SENP7: variants seen among roughly 807,000 people sequenced by gnomAD.
SENP7 encodes the protein SUMO specific peptidase 7.
SENP7 carries 64 observed loss-of-function variants against 141.2 expected under a neutral mutation model. The ratio of observed to expected loss-of-function variants is 0.45; its 90% CI spans 0.37 to 0.56. The LOEUF (loss-of-function observed/expected upper bound fraction) is 0.56. Ranked by LOEUF, SENP7 falls within the 20% of genes least tolerant of loss-of-function variation. The pLI, the probability that SENP7 is intolerant of heterozygous loss-of-function variation, is 0.00. For synonymous variants in SENP7, 382 were observed against 426.4 expected (o/e 0.90, Z 1.28); for missense variants, 1,025 against 1,212.2 (o/e 0.85, Z 2.29).
At chr3:101,428,057 T>G (rs963994334) in intron 4 of SENP7, among the ~76,000 whole-genome samples, 6 of 152,224 alleles carry the variant, frequency 3.9e-5, no homozygotes, top group African/African-American at 1.4e-4. Flanking sequence ...TAGTATTCCA[T>G]GGTGTATATG....
chr3:101,366,375 A>G (rs2107388619), intron 9 of SENP7, 55 bp downstream of exon 9: 2 of 1,308,158 alleles, frequency 1.5e-6, no homozygotes, highest in Non-Finnish European at 1.1e-6. Context: ...GAATAAAAAA[A>G]TAACTAAGTA....
At chr3:101,489,918 T>C (rs2064894027) in intron 3 of SENP7, among the ~76,000 whole-genome samples, 1 of 152,140 alleles carries the variant, frequency 6.6e-6, no homozygotes, top group African/African-American at 2.4e-5. Flanking sequence ...GGCACAGTGG[T>C]TCACGCCTGT....
intron 4 of SENP7, among the ~76,000 whole-genome samples, chr3:101,450,053 G>C (rs1023686054): frequency 3.3e-5 from 5 of 152,142 alleles, no homozygotes; most frequent in Admixed American, 6.5e-5. Context: ...AAAGGCAGGG[G>C]TTGCAATCCT....
At chr3:101,488,002 A>AT (rs1444122065) in intron 3 of SENP7, among the ~76,000 whole-genome samples, 3 of 152,312 alleles carry the variant, frequency 2.0e-5, no homozygotes, top group Admixed American at 6.5e-5. Context: ...GAAAAATGAC[A>AT]TTGATAGTAT....
At chr3:101,439,723 T>G (rs1157707441) in intron 4 of SENP7, among the ~76,000 whole-genome samples, 3 of 16,828 alleles carry the variant, frequency 1.8e-4, no homozygotes, top group Admixed American at 4.5e-4. Context: ...GGGAGGGAGG[T>G]AGGGGGGTCA....
intron 7 of SENP7, 123 bp from the exon 8 acceptor site, chr3:101,368,134 G>A: frequency 1.5e-6 from 1 of 688,752 alleles, no homozygotes; most frequent in South Asian, 2.1e-5. Context: ...AAACAGAAAT[G>A]TACTGTTAAA....
At chr3:101,365,114 T>G in intron 9 of SENP7, 123 bp from the exon 10 acceptor site, 18 of 487,538 alleles carry the variant, frequency 3.7e-5, no homozygotes, top group South Asian at 4.6e-5. Context: ...GCAATTCTCC[T>G]ACCTCAGCCT....
intron 4 of SENP7, among the ~76,000 whole-genome samples, chr3:101,456,550 C>G (rs751400916): frequency 6.6e-6 from 1 of 151,994 alleles, no homozygotes; most frequent in Non-Finnish European, 1.5e-5. Flanking sequence ...GAACAGAAGT[C>G]AGATGTCGTA....
At chr3:101,456,260 G>A (rs1366502392) in intron 4 of SENP7, among the ~76,000 whole-genome samples, 2 of 152,012 alleles carry the variant, frequency 1.3e-5, no homozygotes, top group East Asian at 3.8e-4. Context: ...TTCAAAAATT[G>A]GCTGAGTAAA....
At chr3:101,408,101 T>A (rs2107616936) in intron 5 of SENP7, among the ~76,000 whole-genome samples, 1 of 152,154 alleles carries the variant, frequency 6.6e-6, no homozygotes, top group East Asian at 1.9e-4. Flanking sequence ...CGGGAGATAT[T>A]ACAACTGACA....
chr3:101,352,320 AC>A, intron 11 of SENP7, among the ~76,000 whole-genome samples: 1 of 152,174 alleles, frequency 6.6e-6, no homozygotes, highest in South Asian at 2.1e-4. Context: ...GCAGTGATGC[AC>A]CTGTCAAAAT....
rs757905357 is a variant in SENP7, at chr3:101,332,000, C to G, written c.2683G>C (p.Asp895His). ...TGGATGTCACCTATTGTTTTGTTGT[C>G]ATTTTGGGACTGCTGAGCCTGGGAC... ...QQSQAQQSQN[D>H]NKTIDNDLRT... is the part of the protein sequence containing the mutation. Residue 895 changes from aspartate (D) to histidine (H), a missense_variant, in exon 19 of 24, where the codon GAC (aspartate) becomes CAC (histidine). By Grantham distance (81) the Asp-to-His change is moderately conservative. Around this residue, in one of 4 missense-constraint regions of SENP7, gnomAD observed 295 missense variants for 459.1 expected, o/e 0.64. Coordinates refer to ENST00000394095, the MANE Select transcript of SENP7 (RefSeq NM_020654.5). The G allele has an allele frequency of 1.2e-6, 2 of 1,613,178 alleles. No individual in the cohort carries two copies.
intron 12 of SENP7, among the ~76,000 whole-genome samples, chr3:101,349,108 C>T (rs1246775198): frequency 6.6e-6 from 1 of 152,156 alleles, no homozygotes; most frequent in Non-Finnish European, 1.5e-5. Context: ...ACTCCAACCC[C>T]GTGATTCACA....
chr3:101,339,351 G>A lies in SENP7; in HGVS notation c.2357+744C>T, dbSNP rs551593970. On this transcript the variant is annotated intron_variant, in intron 16 of 23. Coordinates refer to ENST00000394095, the MANE Select transcript of SENP7 (RefSeq NM_020654.5). ...GTCTAGAGATACAGTACAAAATGAC[G>A]GCTAGAAGCAAATTTCCTTTGCATA... 1.6e-3 allele frequency among the ~76,000 whole-genome samples: 245 copies of A among 152,222 alleles called. 2 individuals are homozygous for A. The highest frequency in any genetic ancestry group is 1.9e-3 in the Non-Finnish European group (131 of 68,006).
intron 3 of SENP7, among the ~76,000 whole-genome samples, chr3:101,478,064 C>G (rs972595473): frequency 3.3e-5 from 5 of 151,732 alleles, no homozygotes; most frequent in Middle Eastern, 3.4e-3. Context: ...CAATTGATAC[C>G]AGAGAAATAC....
At chr3:101,352,156 G>T (rs116193003) in intron 11 of SENP7, among the ~76,000 whole-genome samples, 1 of 151,992 alleles carries the variant, frequency 6.6e-6, no homozygotes, top group Non-Finnish European at 1.5e-5. Context: ...TTGTCAGAAG[G>T]CTTGTGTCCA....
rs1559908879 is a variant in SENP7, at chr3:101,494,110, C to CGT, written c.91-143_91-142insAC. 2.1e-4 allele frequency: 89 copies of CGT among 418,518 alleles called. 1 individual carries two copies. The highest frequency in any genetic ancestry group is 4.7e-5 in the Non-Finnish European group (11 of 233,578). The allele number at this position is 418,518 out of a possible 1,614,324, so 25.9% of individuals were successfully genotyped here. Reference sequence around the variant, plus strand: ...TTAAATTCAGTGCTTAATTTATATACAATTAAATATAATTTTATTCACAAA... The same window carrying CGT: ...TTAAATTCAGTGCTTAATTTATATACGTAATTAAATATAATTTTATTCACAAA... On this transcript the variant is annotated intron_variant, in intron 2 of 23. Coordinates refer to ENST00000394095, the MANE Select transcript of SENP7 (RefSeq NM_020654.5).
chr3:101,387,149 G>A (rs192836542), intron 6 of SENP7, among the ~76,000 whole-genome samples: 10 of 152,214 alleles, frequency 6.6e-5, no homozygotes, highest in South Asian at 4.1e-4. Flanking sequence ...CAATGCAGCC[G>A]GTGCCCACAT....
At chr3:101,385,152 ATG>A (rs1043479046) in intron 6 of SENP7, among the ~76,000 whole-genome samples, 2 of 152,016 alleles carry the variant, frequency 1.3e-5, no homozygotes, top group Admixed American at 6.6e-5. Flanking sequence ...GTGTGTGTGC[ATG>A]TGTGTGTGTA....
Sources: allele counts gnomAD v4.1 joint callset (sites outside exome capture counted in the v4.1 genomes callset), GRCh38; gene constraint gnomAD v4.1.1; regional missense constraint gnomAD v4.1.1; transcripts MANE v1.5; gene names NCBI Gene and HGNC (gene_info 2026-07-23, HGNC 2026-07-21).